RSRC1: variants seen among roughly 807,000 people sequenced by gnomAD.
RSRC1 encodes serine/Arginine-related protein 53.
Under a neutral mutation model 49.1 loss-of-function variants are expected in RSRC1, and 39 were observed. The observed-to-expected ratio is 0.79, with a 90% CI of 0.61 to 1.04. The LOEUF is 1.04. RSRC1 is among the 50% of genes least tolerant of loss of function. RSRC1 has a pLI of 0.00. For synonymous variants in RSRC1, 143 were observed against 130.8 expected, an observed-to-expected ratio of 1.09 and a Z score of -0.63; for missense variants, 388 against 402.4, an observed-to-expected ratio of 0.96 and a Z score of 0.31.
At chr3:158,148,210 C>G (rs1717277886) in intron 3 of RSRC1, among the ~76,000 whole-genome samples, 1 of 152,072 alleles carries the variant, frequency 6.6e-6, no homozygotes, top group South Asian at 2.1e-4. Context: ...CTTTGTAGCT[C>G]TTCTTGTTTG....
At chr3:158,342,416 T>G (rs1249792772) in intron 5 of RSRC1, among the ~76,000 whole-genome samples, 1 of 152,178 alleles carries the variant, frequency 6.6e-6, no homozygotes, top group African/African-American at 2.4e-5. Flanking sequence ...CTGATGAGTT[T>G]ATCAGGGGTT....
intron 6 of RSRC1, among the ~76,000 whole-genome samples, chr3:158,402,307 A>G (rs1271925814): frequency 6.6e-6 from 1 of 151,766 alleles, no homozygotes; most frequent in Non-Finnish European, 1.5e-5. Flanking sequence ...TAAAAGCTGG[A>G]CGTTTTAGGC....
intron 5 of RSRC1, among the ~76,000 whole-genome samples, chr3:158,309,548 A>G (rs897913353): frequency 6.6e-6 from 1 of 151,880 alleles, no homozygotes; most frequent in African/African-American, 2.4e-5. Flanking sequence ...ATTTGTTTAA[A>G]TATGTGAAAT....
At chr3:158,377,816 C>T (rs1407675611) in intron 6 of RSRC1, among the ~76,000 whole-genome samples, 1 of 152,088 alleles carries the variant, frequency 6.6e-6, no homozygotes, top group Non-Finnish European at 1.5e-5. Flanking sequence ...CCTGCCACCA[C>T]ACCCTGCTAA....
intron 7 of RSRC1, among the ~76,000 whole-genome samples, chr3:158,482,774 C>T (rs1301838222): frequency 6.6e-6 from 1 of 151,924 alleles, no homozygotes; most frequent in Non-Finnish European, 1.5e-5. Flanking sequence ...TATTTCCCAA[C>T]CCATGAAAAA....
chr3:158,290,745 C>A (rs1171001407), intron 4 of RSRC1, among the ~76,000 whole-genome samples: 1 of 151,984 alleles, frequency 6.6e-6, no homozygotes, highest in African/African-American at 2.4e-5. Flanking sequence ...TCAGTGACAT[C>A]ATGTAAAAAT....
chr3:158,229,257 T>C (rs827121), intron 4 of RSRC1, among the ~76,000 whole-genome samples: 63,218 of 115,112 alleles, frequency 0.55, 19,023 homozygotes, highest in East Asian at 0.7. Context: ...TAAACATACA[T>C]GTATATGTGT....
At chr3:158,431,551 A>G (rs1735772991) in intron 6 of RSRC1, among the ~76,000 whole-genome samples, 2 of 151,946 alleles carry the variant, frequency 1.3e-5, no homozygotes, top group Non-Finnish European at 2.9e-5. Context: ...AGTACTAAAA[A>G]AAGTGGTGGC....
intron 5 of RSRC1, among the ~76,000 whole-genome samples, chr3:158,318,331 G>A (rs900572278): frequency 2.0e-5 from 3 of 152,110 alleles, no homozygotes; most frequent in Non-Finnish European, 4.4e-5. Context: ...GTATTATGGC[G>A]TTCAGGACCA....
intron 4 of RSRC1, among the ~76,000 whole-genome samples, chr3:158,203,740 G>A (rs189717191): frequency 6.6e-6 from 1 of 152,162 alleles, no homozygotes; most frequent in Non-Finnish European, 1.5e-5. Flanking sequence ...GGGAGCTTGG[G>A]CAATATTAGG....
At chr3:158,276,165 T>C (rs778137454) in intron 4 of RSRC1, 29 of 908,468 alleles carry the variant, frequency 3.2e-5, no homozygotes, top group Non-Finnish European at 4.9e-5. Flanking sequence ...AACACCATGA[T>C]GGACAGGCTT....
At chr3:158,458,990 C>G (rs1560051979) in intron 6 of RSRC1, among the ~76,000 whole-genome samples, 1 of 152,046 alleles carries the variant, frequency 6.6e-6, no homozygotes, top group Non-Finnish European at 1.5e-5. Flanking sequence ...TAATTGTTCC[C>G]TTCAAGTGAA....
intron 7 of RSRC1, among the ~76,000 whole-genome samples, chr3:158,536,642 A>G (rs942706253): frequency 2.6e-5 from 4 of 151,396 alleles, no homozygotes; most frequent in African/African-American, 9.7e-5. Context: ...TTAGGGATAA[A>G]ATGGTGTGAT....
chr3:158,194,054 TACACACAC>T (rs10530687), intron 3 of RSRC1, among the ~76,000 whole-genome samples: 4,285 of 144,102 alleles, frequency 0.03, 84 homozygotes, highest in Non-Finnish European at 0.042. Context: ...ACCCCGTCTA[TACACACAC>T]ACACACACAC....
At chr3:158,506,806 G>A (rs757211698) in intron 7 of RSRC1, among the ~76,000 whole-genome samples, 16 of 150,648 alleles carry the variant, frequency 1.1e-4, no homozygotes, top group Non-Finnish European at 2.1e-4. Context: ...ATATGATCCA[G>A]GAATCCCACT....
chr3:158,330,781 ATAT>A (rs2108193855), intron 5 of RSRC1, among the ~76,000 whole-genome samples: 1 of 152,208 alleles, frequency 6.6e-6, no homozygotes, highest in East Asian at 1.9e-4. Context: ...CTTTCTATAA[ATAT>A]TATATCAATT....
rs1485762587 is a variant in RSRC1 at position 158,477,798 on chromosome 3, T to TTTTATATATATATATATATATATA, written c.652+16796_652+16797insTTATATATATATATATATATATAT. 5.5e-3 allele frequency among the ~76,000 whole-genome samples: 497 copies of TTTTATATATATATATATATATATA among 89,664 alleles called. 53 individuals are homozygous for TTTTATATATATATATATATATATA. The highest frequency in any genetic ancestry group is 0.011 in the African/African-American group (231 of 21,594). The allele number at this position is 89,664 out of a possible 152,430, so 58.8% of individuals were successfully genotyped here. A position where few individuals can be genotyped will look rare whatever the true frequency, so the allele number is the denominator to read the frequency against. ...TGATGGGATAGGTTGCGGGAGGGAT[T>TTTTATATATATATATATATATATA]TATATATATATATATATATATATAT... is the stretch of plus-strand genomic sequence containing the variant. On this transcript the variant is annotated intron_variant, in intron 7 of 9. Transcript: ENST00000611884.
At chr3:158,455,122 C>A (rs1737241346) in intron 6 of RSRC1, among the ~76,000 whole-genome samples, 1 of 152,104 alleles carries the variant, frequency 6.6e-6, no homozygotes, top group Admixed American at 6.5e-5. Flanking sequence ...ATTCCTAGAA[C>A]TTTTTCCATG....
intron 6 of RSRC1, among the ~76,000 whole-genome samples, chr3:158,408,261 T>G (rs556844724): frequency 6.6e-6 from 1 of 152,236 alleles, no homozygotes; most frequent in East Asian, 1.9e-4. Context: ...TTTTAGAGAG[T>G]TTTAGTCACC....
Sources: gnomAD v4.1 joint callset for allele counts (sites outside exome capture counted in the v4.1 genomes callset) on GRCh38, gnomAD v4.1.1 for gene constraint, MANE v1.5 for transcripts, NCBI Gene and HGNC (gene_info 2026-07-23, HGNC 2026-07-21) for gene names.